SLC25A13: variants seen among roughly 807,000 people sequenced by gnomAD.
SLC25A13 encodes electrogenic aspartate/glutamate antiporter SLC25A13, mitochondrial.
A neutral mutation model predicts 85.5 loss-of-function variants in SLC25A13; 70 were observed. That is an observed-to-expected ratio of 0.82 (90% CI 0.68 to 1.00). SLC25A13 has a LOEUF of 1.00. Among genes scored for constraint, SLC25A13 ranks in the 50% least tolerant of loss-of-function variants. The probability of loss-of-function intolerance (pLI) is 0.00; values close to 1 mark genes in which losing one functional copy is unlikely to be tolerated. For missense variants in SLC25A13, 765 were observed against 819.8 expected (o/e 0.93, Z 0.82); for synonymous variants, 259 against 288.7 (o/e 0.90, Z 1.04).
intron 14 of SLC25A13, among the ~76,000 whole-genome samples, chr7:96,140,666 G>A (rs150737559): frequency 8.0e-4 from 121 of 151,960 alleles, no homozygotes; most frequent in African/African-American, 2.7e-3. Context: ...GTCTCCCACA[G>A]TGCTGGGATT....
intron 4 of SLC25A13, among the ~76,000 whole-genome samples, chr7:96,211,008 A>T (rs1004693761): frequency 6.6e-6 from 1 of 152,172 alleles, no homozygotes; most frequent in Admixed American, 6.5e-5. Flanking sequence ...AAAGTAACAG[A>T]AGGTTTTTAC....
chr7:96,306,978 G>A (rs1020483988), intron 1 of SLC25A13: 10 of 834,804 alleles, frequency 1.2e-5, no homozygotes, highest in East Asian at 5.6e-5. Flanking sequence ...TCCCAGCACC[G>A]ATGGCTTCCC....
chr7:96,241,983 G>A (rs887414102), intron 3 of SLC25A13, among the ~76,000 whole-genome samples: 3 of 152,162 alleles, frequency 2.0e-5, no homozygotes, highest in Non-Finnish European at 4.4e-5. Flanking sequence ...CTGTGGCTAC[G>A]AAAGTTTAAG....
chr7:96,122,528 C>T (rs2116386993), intron 15 of SLC25A13, among the ~76,000 whole-genome samples: 2 of 152,128 alleles, frequency 1.3e-5, no homozygotes, highest in East Asian at 3.9e-4. Context: ...CAGAAAAAGA[C>T]TTTACTGATA....
At chr7:96,183,531 T>C (rs1794500215) in intron 11 of SLC25A13, among the ~76,000 whole-genome samples, 1 of 152,204 alleles carries the variant, frequency 6.6e-6, no homozygotes, top group Non-Finnish European at 1.5e-5. Flanking sequence ...ATACTGTATT[T>C]TAACTGATGC....
At chr7:96,259,583 T>G (rs1019704136) in intron 3 of SLC25A13, among the ~76,000 whole-genome samples, 1 of 152,036 alleles carries the variant, frequency 6.6e-6, no homozygotes, top group Admixed American at 6.6e-5. Flanking sequence ...TGTGGAGAAA[T>G]AGGAACGCTT....
intron 9 of SLC25A13, among the ~76,000 whole-genome samples, chr7:96,185,778 T>C (rs929904015): frequency 1.3e-5 from 2 of 151,358 alleles, no homozygotes; most frequent in African/African-American, 4.9e-5. Context: ...CAGGCGCCTG[T>C]AGTCCCAGCT....
chr7:96,322,056 G>A lies in SLC25A13; in HGVS notation c.-100C>T, dbSNP rs1562977364. 7 of 1,475,156 alleles carry A rather than the reference G, an allele frequency of 4.7e-6. No homozygotes were observed. The highest frequency in any genetic ancestry group is 1.2e-5 in the South Asian group (1 of 80,010). 91.4% of individuals were successfully genotyped at this position (1,475,156 alleles called of 1,614,324 possible). On this transcript the variant is annotated 5_prime_UTR_variant, in exon 1 of 18. Transcript: ENST00000265631. ...TCTAGTCCCGGCGGCGGCGGCGGTGGGGGCGGCGATACGGCCAGGCAGCGT... is the reference window on the plus strand; with the variant it reads ...TCTAGTCCCGGCGGCGGCGGCGGTGAGGGCGGCGATACGGCCAGGCAGCGT...
intron 14 of SLC25A13, among the ~76,000 whole-genome samples, chr7:96,141,019 CTT>C (rs11433644): frequency 2.0e-4 from 25 of 124,652 alleles, no homozygotes; most frequent in Non-Finnish European, 2.8e-4. Context: ...TTTTTTCTTT[CTT>C]TTTTTTTTTT....
intron 2 of SLC25A13, among the ~76,000 whole-genome samples, chr7:96,288,834 G>A (rs1326128154): frequency 6.6e-6 from 1 of 152,206 alleles, no homozygotes; most frequent in Non-Finnish European, 1.5e-5. Context: ...ACCTCTGGGG[G>A]CAGAGCATAG....
rs1791485912 is a variant in SLC25A13, at chr7:96,121,214, T to C, written c.2005A>G (p.Lys669Glu). ...TCCTATGGGCCTCCACCAATAGCCT[T>C]TGAGGTAGATACTGATGGCTTGAAG... ...PLFKPSVSTS[K>E]AIGGGP The change falls in exon 18 of 18, where the codon AAG becomes GAG. Residue 669 changes from lysine to glutamate, a missense_variant. Lys to Glu is a moderately conservative substitution (Grantham distance 56). Transcript: ENST00000265631. 6.2e-7 allele frequency: 1 copy of C among 1,614,114 alleles called. No homozygotes were observed. The highest frequency in any genetic ancestry group is 8.5e-7 in the Non-Finnish European group (1 of 1,179,998).
intron 6 of SLC25A13, 128 bp downstream of exon 6, chr7:96,192,909 T>C (rs1364381010): frequency 6.9e-6 from 7 of 1,021,826 alleles, no homozygotes; most frequent in African/African-American, 3.2e-5. Context: ...AGTTTAGTAA[T>C]GTATGTGATC....
intron 2 of SLC25A13, among the ~76,000 whole-genome samples, chr7:96,289,651 G>C (rs1190528752): frequency 6.6e-6 from 1 of 152,186 alleles, no homozygotes; most frequent in Non-Finnish European, 1.5e-5. Flanking sequence ...CTGGAAGAAA[G>C]GGTATCAGTG....
chr7:96,294,473 G>C (rs954607891), intron 2 of SLC25A13, among the ~76,000 whole-genome samples: 1 of 152,004 alleles, frequency 6.6e-6, no homozygotes, highest in East Asian at 1.9e-4. Context: ...ACTAGGCGTG[G>C]TGGTACATGC....
At chr7:96,262,574 T>C (rs1797896179) in intron 3 of SLC25A13, among the ~76,000 whole-genome samples, 1 of 152,106 alleles carries the variant, frequency 6.6e-6, no homozygotes, top group Non-Finnish European at 1.5e-5. Context: ...AGTGTGGGTA[T>C]GGGTGACGAA....
In SLC25A13 at chr7:96,121,911, T is replaced by G; in HGVS notation, c.1678A>C (p.Ser560Arg). Residue 560 changes from serine (S) to arginine (R), a missense_variant, in exon 16 of 18, where the codon AGC becomes CGC. Physicochemically the swap from Ser to Arg is moderately radical, Grantham distance 110. Transcript: ENST00000265631. ...TTTCTAAAGCAGTCTATCACTCCGCTGTAAGTGGTTTGGCCAGCCCGGGCA... is the reference window on the plus strand; with the variant it reads ...TTTCTAAAGCAGTCTATCACTCCGCGGTAAGTGGTTTGGCCAGCCCGGGCA... Reference protein sequence around the residue: ...VAARAGQTTYSGVIDCFRKIL... With the variant: ...VAARAGQTTYRGVIDCFRKIL... 6.2e-7 allele frequency: 1 copy of G among 1,614,154 alleles called. No individual in the cohort carries two copies. The highest frequency in any genetic ancestry group is 1.1e-5 in the South Asian group (1 of 91,082).
At chr7:96,293,756 C>T (rs4729252) in intron 2 of SLC25A13, among the ~76,000 whole-genome samples, 23,407 of 152,056 alleles carry the variant, frequency 0.15, 2,168 homozygotes, top group East Asian at 0.23. Context: ...GTTAGAATGA[C>T]GATCATTAAA....
At chr7:96,172,727 T>G (rs1187073100) in intron 11 of SLC25A13, among the ~76,000 whole-genome samples, 1 of 152,012 alleles carries the variant, frequency 6.6e-6, no homozygotes, top group South Asian at 2.1e-4. Flanking sequence ...CCCACCCTGC[T>G]TTGAGGCCCG....
At chr7:96,223,789 GAAAAAAAAAAAAAAA>G (rs56882933) in intron 4 of SLC25A13, among the ~76,000 whole-genome samples, 35 of 94,230 alleles carry the variant, frequency 3.7e-4, no homozygotes, top group Non-Finnish European at 5.8e-4. Flanking sequence ...CTCCATCTCT[GAAAAAAAAAAAAAAA>G]AAAAAAAAAA....
Sources: gnomAD v4.1 joint callset for allele counts (sites outside exome capture counted in the v4.1 genomes callset) on GRCh38, gnomAD v4.1.1 for gene constraint, MANE v1.5 for transcripts, NCBI Gene and HGNC (gene_info 2026-07-23, HGNC 2026-07-21) for gene names.